Variants in ATF7IP observed in about 807,000 individuals in gnomAD.
ATF7IP encodes the protein activating transcription factor 7 interacting protein, also known as activating transcription factor 7-interacting protein 1.
A neutral mutation model predicts 106.4 loss-of-function variants in ATF7IP; 23 were observed. The observed-to-expected ratio is 0.22, with a 90% CI of 0.16 to 0.31. The LOEUF (loss-of-function observed/expected upper bound fraction) is 0.31. Ranked by LOEUF, ATF7IP falls within the 10% of genes least tolerant of loss-of-function variation. The probability of loss-of-function intolerance (pLI) is 1.00; values close to 1 mark genes in which losing one functional copy is unlikely to be tolerated. For synonymous variants in ATF7IP, 542 were observed against 539.0 expected (o/e 1.01, Z -0.08); for missense variants, 1,334 against 1,524.3 (o/e 0.88, Z 2.08).
At position 14,475,871 on chromosome 12, in the gene ATF7IP, TAGA is replaced by T. The variant is rs770206834; in HGVS notation, c.2863-16_2863-14del. ...CTGCCAGAGTTTTCTTTGTAAAATG[TAGA>T]AGTTTTGTTTTTCAGTGTGGAAAAG... is the stretch of plus-strand genomic sequence containing the variant. On this transcript the variant is annotated splice_polypyrimidine_tract_variant and intron_variant, in intron 10 of 14. Transcript: ENST00000261168. 1 of 1,596,192 alleles carries T rather than the reference TAGA, an allele frequency of 6.3e-7. No homozygotes were observed. The highest frequency in any genetic ancestry group is 1.8e-5 in the Admixed American group (1 of 56,100).
At chr12:14,412,760 T>A (rs925792689) in intron 1 of ATF7IP, among the ~76,000 whole-genome samples, 52 of 152,302 alleles carry the variant, frequency 3.4e-4, no homozygotes, top group African/African-American at 1.2e-3. Context: ...ATGCCTGTAA[T>A]CCCAGCACTT....
intron 14 of ATF7IP, among the ~76,000 whole-genome samples, chr12:14,497,221 G>A (rs1343165435): frequency 6.6e-6 from 1 of 152,102 alleles, no homozygotes; most frequent in African/African-American, 2.4e-5. Context: ...AAAAATGAAA[G>A]TATATTTGTA....
intron 1 of ATF7IP, among the ~76,000 whole-genome samples, chr12:14,409,579 G>A (rs144655653): frequency 5.5e-4 from 84 of 152,118 alleles, no homozygotes; most frequent in Non-Finnish European, 7.5e-4. Context: ...AATATCTTGC[G>A]TGAGTATTTT....
Position 14,456,714 on chromosome 12 carries a change from G to A in ATF7IP, c.2069+80G>A, listed in dbSNP as rs1224088941. The A allele has an allele frequency of 1.2e-5, 12 of 995,160 alleles. No homozygotes were observed. The East Asian group carries it at 2.3e-4, about 19-fold the overall frequency. 61.6% of individuals were successfully genotyped at this position (995,160 alleles called of 1,614,324 possible). On this transcript the variant is annotated intron_variant, in intron 7 of 14. Transcript: ENST00000261168. ...TTATTTGGTCAAAGAATCTTGCAGT[G>A]TAATCATGGTATTTATGTAGAAATA...
At chr12:14,493,391 A>G (rs1944894625) in intron 13 of ATF7IP, among the ~76,000 whole-genome samples, 1 of 152,340 alleles carries the variant, frequency 6.6e-6, no homozygotes, top group Non-Finnish European at 1.5e-5. Flanking sequence ...TTATACATCT[A>G]GAAGCAAAGA....
intron 6 of ATF7IP, among the ~76,000 whole-genome samples, chr12:14,452,476 A>G (rs750985181): frequency 6.6e-6 from 1 of 151,346 alleles, no homozygotes; most frequent in South Asian, 2.1e-4. Flanking sequence ...GTGTGCTTTC[A>G]TTCCTTTTAC....
chr12:14,435,974 C>G, intron 3 of ATF7IP, 132 bp from the exon 4 acceptor site: 2 of 891,902 alleles, frequency 2.2e-6, no homozygotes, highest in Non-Finnish European at 3.4e-6. Flanking sequence ...CTAAGATCTC[C>G]AAAACAGTTT....
chr12:14,385,448 T>C, intron 1 of ATF7IP: 1 of 1,504,916 alleles, frequency 6.6e-7, no homozygotes, highest in Non-Finnish European at 8.9e-7. Context: ...TTTTTTTCTT[T>C]TTTAAAAAGG....
chr12:14,488,543 A>G (rs556472691), intron 13 of ATF7IP, among the ~76,000 whole-genome samples: 1 of 152,190 alleles, frequency 6.6e-6, no homozygotes, highest in East Asian at 1.9e-4. Context: ...TCCCCAGCCC[A>G]CTGACTCAAA....
intron 1 of ATF7IP, among the ~76,000 whole-genome samples, chr12:14,416,269 ATTAT>A: frequency 7.5e-6 from 1 of 133,692 alleles, no homozygotes; most frequent in East Asian, 2.2e-4. Context: ...GCATAAAGTG[ATTAT>A]TTAATATTTA....
At chr12:14,419,625 T>G (rs894934126) in intron 1 of ATF7IP, among the ~76,000 whole-genome samples, 1 of 152,142 alleles carries the variant, frequency 6.6e-6, no homozygotes, top group Non-Finnish European at 1.5e-5. Flanking sequence ...GCATTGTATC[T>G]GTATCTTTTG....
At chr12:14,371,254 A>C (rs912015200) in intron 1 of ATF7IP, among the ~76,000 whole-genome samples, 5 of 152,234 alleles carry the variant, frequency 3.3e-5, no homozygotes, top group South Asian at 2.1e-4. Context: ...GAATGAAAAG[A>C]AGAAATCACG....
intron 1 of ATF7IP, among the ~76,000 whole-genome samples, chr12:14,393,472 A>G (rs904228018): frequency 6.6e-6 from 1 of 152,166 alleles, no homozygotes; most frequent in African/African-American, 2.4e-5. Flanking sequence ...GATCCTGAGA[A>G]GAGAATATAG....
chr12:14,398,042 T>G (rs558568018), intron 1 of ATF7IP, among the ~76,000 whole-genome samples: 6 of 152,164 alleles, frequency 3.9e-5, no homozygotes, highest in South Asian at 4.1e-4. Context: ...TTATTATGTT[T>G]TCTTAATAAT....
intron 1 of ATF7IP, among the ~76,000 whole-genome samples, chr12:14,371,170 T>A (rs1383988080): frequency 6.6e-6 from 1 of 152,092 alleles, no homozygotes; most frequent in African/African-American, 2.4e-5. Flanking sequence ...TTATATCTTT[T>A]AAATAATTGA....
chr12:14,382,823 A>G (rs567911479), intron 1 of ATF7IP, among the ~76,000 whole-genome samples: 5 of 152,350 alleles, frequency 3.3e-5, no homozygotes, highest in East Asian at 3.9e-4. Context: ...GGTGGTAAGT[A>G]TAATGATGAT....
chr12:14,417,522 G>C (rs1356449535), intron 1 of ATF7IP, among the ~76,000 whole-genome samples: 1 of 151,920 alleles, frequency 6.6e-6, no homozygotes, highest in Non-Finnish European at 1.5e-5. Flanking sequence ...TATATGTATG[G>C]TCTATGGAAT....
At chr12:14,468,792 C>G (rs956310524) in intron 10 of ATF7IP, among the ~76,000 whole-genome samples, 3 of 152,146 alleles carry the variant, frequency 2.0e-5, no homozygotes. Context: ...TATATATGTG[C>G]TTTCAGTTAT....
At chr12:14,408,666 G>A (rs1046046542) in intron 1 of ATF7IP, 2 of 152,080 alleles carry the variant, frequency 1.3e-5, no homozygotes, top group African/African-American at 4.8e-5. Context: ...TTTATAAAAG[G>A]CTGAAAAATG....
Sources: allele counts gnomAD v4.1 joint callset (sites outside exome capture counted in the v4.1 genomes callset), GRCh38; gene constraint gnomAD v4.1.1; transcripts MANE v1.5; gene names NCBI Gene and HGNC (gene_info 2026-07-23, HGNC 2026-07-21).